CMTM3: variants seen among roughly 807,000 people sequenced by gnomAD.
CMTM3 encodes CKLF-like MARVEL transmembrane domain-containing protein 3.
Under a neutral mutation model 18.2 loss-of-function variants are expected in CMTM3, and 7 were observed. The observed-to-expected ratio is 0.38, with a 90% CI of 0.22 to 0.72. CMTM3 has a LOEUF of 0.72. CMTM3 is among the 30% of genes least tolerant of loss of function. CMTM3 has a pLI of 0.46. For synonymous variants in CMTM3, 109 were observed against 111.2 expected, an observed-to-expected ratio of 0.98 and a Z score of 0.12; for missense variants, 227 against 249.2, an observed-to-expected ratio of 0.91 and a Z score of 0.60.
rs1307445254 is a variant in CMTM3, at chr16:66,610,433, A to C, written c.520+430A>C. Among the ~76,000 whole-genome samples, 5 of 152,302 alleles carry C rather than the reference A, an allele frequency of 3.3e-5. No individual in the cohort carries two copies. The East Asian group carries it at 5.8e-4, about 18-fold the overall frequency. On this transcript the variant is annotated intron_variant, in intron 4 of 4. Coordinates refer to ENST00000567572, the MANE Select transcript of CMTM3 (RefSeq NM_181553.4). This position sits in a 1 kb window ranked among gnomAD's most constrained non-coding sequence, Gnocchi z 4.6. ...ACCCAGAAACCGTGGCAAGGGACAGATGATGTGTCCCGTACCAGGGGAGGG... is the reference window on the plus strand; with the variant it reads ...ACCCAGAAACCGTGGCAAGGGACAGCTGATGTGTCCCGTACCAGGGGAGGG...
Position 66,610,657 on chromosome 16 carries a change from G to A in CMTM3, c.520+654G>A, listed in dbSNP as rs2015342345. On this transcript the variant is annotated intron_variant, in intron 4 of 4. Coordinates refer to ENST00000567572, the MANE Select transcript of CMTM3 (RefSeq NM_181553.4). This position sits in a 1 kb window ranked among gnomAD's most constrained non-coding sequence, Gnocchi z 4.6. ...GGTGTAGGGAAGAAGGCTGAGAGCA[G>A]AGACAGCAGGCGCTTCTGCCTGGGG... is the stretch of plus-strand genomic sequence containing the variant. 6.6e-6 allele frequency among the ~76,000 whole-genome samples: 1 copy of A among 152,164 alleles called. No homozygotes were observed. The highest frequency in any genetic ancestry group is 2.1e-4 in the South Asian group (1 of 4,830).
chr16:66,613,116 G>A lies in CMTM3; in HGVS notation c.*479G>A. 1 of 703,042 alleles carries A rather than the reference G, an allele frequency of 1.4e-6. No individual in the cohort carries two copies. Among genetic ancestry groups the A allele is most frequent in the East Asian group, 2.7e-5 (1 of 37,288 alleles). 43.6% of individuals were successfully genotyped at this position (703,042 alleles called of 1,614,324 possible). On this transcript the variant is annotated 3_prime_UTR_variant, in exon 5 of 5. Transcript: ENST00000567572. ...TCCTGCCCACACCAGCCACTTTGGTGACAATGACCCTTCCAAGAATCTTTG... is the reference window on the plus strand; with the variant it reads ...TCCTGCCCACACCAGCCACTTTGGTAACAATGACCCTTCCAAGAATCTTTG...
intron 1 of CMTM3, among the ~76,000 whole-genome samples, chr16:66,607,560 G>A (rs2015203112): frequency 7.2e-6 from 1 of 137,954 alleles, no homozygotes; most frequent in Non-Finnish European, 1.6e-5. Flanking sequence ...AACACTTCAG[G>A]ACGCATATCA....
chr16:66,606,343 A>G (rs1029212502), intron 1 of CMTM3, among the ~76,000 whole-genome samples: 2 of 152,188 alleles, frequency 1.3e-5, no homozygotes, highest in Non-Finnish European at 2.9e-5. Context: ...GGGTGCAGGC[A>G]TAGGAGACAG....
chr16:66,605,063 C>G lies in CMTM3; in HGVS notation c.147+111C>G, dbSNP rs1000200038. The G allele has an allele frequency of 3.1e-6, 3 of 977,266 alleles. No homozygotes were observed. The highest frequency in any genetic ancestry group is 4.1e-6 in the Non-Finnish European group (3 of 740,590). 60.5% of individuals were successfully genotyped at this position (977,266 alleles called of 1,614,324 possible). On this transcript the variant is annotated intron_variant, in intron 1 of 4. Transcript: ENST00000567572. The surrounding 1 kb of genome is among the most constrained non-coding windows in gnomAD (Gnocchi z 4.6). Reference sequence around the variant, plus strand: ...GGGCGGCCGCCGTGCTCCGATACCCCCTCTCCGCGCCGCCTCGGCCGACTT... The same window carrying G: ...GGGCGGCCGCCGTGCTCCGATACCCGCTCTCCGCGCCGCCTCGGCCGACTT...
In CMTM3 at chr16:66,609,491, C is replaced by G. The variant is rs1204163852; in HGVS notation, c.360C>G (p.Ala120=). ...ALIYFAISIT[A]IAKYSDGASK... is the part of the protein sequence containing the mutation. ...TCTACTTTGCTATCTCCATCACGGCCATCGCCAAGTACTCGGATGGGGCTT... is the reference window on the plus strand; with the variant it reads ...TCTACTTTGCTATCTCCATCACGGCGATCGCCAAGTACTCGGATGGGGCTT... The change falls in exon 3 of 5, where the codon GCC becomes GCG. Residue 120 remains alanine, a synonymous_variant. Transcript: ENST00000567572. The surrounding 1 kb of genome is among the most constrained non-coding windows in gnomAD (Gnocchi z 4.4). The G allele has an allele frequency of 6.2e-7, 1 of 1,611,124 alleles. No individual in the cohort carries two copies. Among genetic ancestry groups the G allele is most frequent in the Admixed American group, 1.7e-5 (1 of 59,652 alleles).
chr16:66,604,758 G>C lies in CMTM3; in HGVS notation c.-48G>C. ...CGGGTTTCCGCTTCCCTCCGGGCGC[G>C]AGAAGAGGGGAGCCAGGCCGAGCCC... On this transcript the variant is annotated 5_prime_UTR_variant, in exon 1 of 5. Transcript: ENST00000567572. 2 of 1,213,586 alleles carry C rather than the reference G, an allele frequency of 1.6e-6. No individual in the cohort carries two copies. The highest frequency in any genetic ancestry group is 2.0e-6 in the Non-Finnish European group (2 of 975,834). 75.2% of individuals were successfully genotyped at this position (1,213,586 alleles called of 1,614,324 possible). A position where few individuals can be genotyped will look rare whatever the true frequency, so the allele number is the denominator to read the frequency against.
rs2015418124 is a variant in CMTM3 at position 66,612,519 on chromosome 16, C to T, written c.521-90C>T. 7.2e-7 allele frequency: 1 copy of T among 1,394,324 alleles called. No homozygotes were observed. Among genetic ancestry groups the T allele is most frequent in the Non-Finnish European group, 1.0e-6 (1 of 997,740 alleles). 86.4% of individuals were successfully genotyped at this position (1,394,324 alleles called of 1,614,324 possible). A position where few individuals can be genotyped will look rare whatever the true frequency, so the allele number is the denominator to read the frequency against. On this transcript the variant is annotated intron_variant, in intron 4 of 4. Coordinates refer to ENST00000567572, the MANE Select transcript of CMTM3 (RefSeq NM_181553.4). The surrounding 1 kb of genome is among the most constrained non-coding windows in gnomAD (Gnocchi z 6.0). ...CAGGAGGCCTGCACCCAGGCTCCTG[C>T]CAGCAACCCAGCTGTGCTTCCCCAG...
intron 1 of CMTM3, among the ~76,000 whole-genome samples, chr16:66,606,443 A>G (rs768812529): frequency 1.1e-4 from 16 of 152,104 alleles, no homozygotes; most frequent in Non-Finnish European, 2.4e-4. Flanking sequence ...GCCTTAGTCT[A>G]TCTTTCCAAA....
Position 66,605,004 on chromosome 16 carries a change from CGG to C in CMTM3, c.147+53_147+54del. 7.2e-7 allele frequency: 1 copy of C among 1,381,648 alleles called. No individual in the cohort carries two copies. The highest frequency in any genetic ancestry group is 9.3e-7 in the Non-Finnish European group (1 of 1,071,476). The allele number at this position is 1,381,648 out of a possible 1,614,324, so 85.6% of individuals were successfully genotyped here. On this transcript the variant is annotated intron_variant, in intron 1 of 4. Coordinates refer to ENST00000567572, the MANE Select transcript of CMTM3 (RefSeq NM_181553.4). This position sits in a 1 kb window ranked among gnomAD's most constrained non-coding sequence, Gnocchi z 4.6. Reference sequence around the variant, plus strand: ...CCCGCTAGGACTGCGCGGCTCCTTTCGGAGGAGGACGTCGGGGCGCGGGTGGG... The same window carrying C: ...CCCGCTAGGACTGCGCGGCTCCTTTCAGGAGGACGTCGGGGCGCGGGTGGG...
Position 66,610,460 on chromosome 16 carries a change from C to T in CMTM3, c.520+457C>T, listed in dbSNP as rs558129424. On this transcript the variant is annotated intron_variant, in intron 4 of 4. Transcript: ENST00000567572. The surrounding 1 kb of genome is among the most constrained non-coding windows in gnomAD (Gnocchi z 4.6). ...GATGTGTCCCGTACCAGGGGAGGGG[C>T]CAGATGGGGCAGCAATGACGACAGT... Among the ~76,000 whole-genome samples, 2 of 152,222 alleles carry T rather than the reference C, an allele frequency of 1.3e-5. No homozygotes were observed. Among genetic ancestry groups the T allele is most frequent in the South Asian group, 4.1e-4 (2 of 4,822 alleles).
intron 4 of CMTM3, among the ~76,000 whole-genome samples, chr16:66,611,964 G>A (rs1043216816): frequency 6.6e-6 from 1 of 152,036 alleles, no homozygotes; most frequent in South Asian, 2.1e-4. Context: ...TGGGGGTGGG[G>A]GTAGAGCTGG....
At position 66,609,844 on chromosome 16, in the gene CMTM3, A is replaced by G; in HGVS notation, c.400-39A>G. 1.2e-6 allele frequency: 2 copies of G among 1,614,180 alleles called. No individual in the cohort carries two copies. The highest frequency in any genetic ancestry group is 1.7e-6 in the Non-Finnish European group (2 of 1,180,016). ...GGGGCAGCAGCCTCCCGGAGCAGGG[A>G]GTCAGCCCTGTGATGCATCCCATCC... On this transcript the variant is annotated intron_variant, in intron 3 of 4. Coordinates refer to ENST00000567572, the MANE Select transcript of CMTM3 (RefSeq NM_181553.4). The surrounding 1 kb of genome is among the most constrained non-coding windows in gnomAD (Gnocchi z 4.4).
At position 66,612,683 on chromosome 16, in the gene CMTM3, C is replaced by T. The variant is rs749532442; in HGVS notation, c.*46C>T. ...CAACCTGAGCCACACAGGCCTCCAC[C>T]CCTGCGCCTCACAGGGGTCGCTGGC... On this transcript the variant is annotated 3_prime_UTR_variant, in exon 5 of 5. Coordinates refer to ENST00000567572, the MANE Select transcript of CMTM3 (RefSeq NM_181553.4). This position sits in a 1 kb window ranked among gnomAD's most constrained non-coding sequence, Gnocchi z 6.0. 6 of 1,598,910 alleles carry T rather than the reference C, an allele frequency of 3.8e-6. No individual in the cohort carries two copies. Among genetic ancestry groups the T allele is most frequent in the South Asian group, 2.2e-5 (2 of 90,412 alleles).
Position 66,605,017 on chromosome 16 carries a change from C to A in CMTM3, c.147+65C>A. ...CGCGGCTCCTTTCGGAGGAGGACGT[C>A]GGGGCGCGGGTGGGGTCCGGGGGCG... On this transcript the variant is annotated intron_variant, in intron 1 of 4. Transcript: ENST00000567572. The surrounding 1 kb of genome is among the most constrained non-coding windows in gnomAD (Gnocchi z 4.6). 7.5e-7 allele frequency: 1 copy of A among 1,335,734 alleles called. No individual in the cohort carries two copies. The highest frequency in any genetic ancestry group is 9.6e-7 in the Non-Finnish European group (1 of 1,039,734). The allele number at this position is 1,335,734 out of a possible 1,614,324, so 82.7% of individuals were successfully genotyped here. A position where few individuals can be genotyped will look rare whatever the true frequency, so the allele number is the denominator to read the frequency against.
intron 1 of CMTM3, 26 bp downstream of exon 1, chr16:66,604,978 C>T (rs1195978319): frequency 6.8e-7 from 1 of 1,468,828 alleles, no homozygotes; most frequent in South Asian, 1.3e-5. Context: ...CCCTCGGCCG[C>T]CCCGCTAGGA....
chr16:66,612,665 A>C lies in CMTM3; in HGVS notation c.*28A>C. 3.1e-6 allele frequency: 5 copies of C among 1,612,388 alleles called. No homozygotes were observed. Among genetic ancestry groups the C allele is most frequent in the Non-Finnish European group, 4.2e-6 (5 of 1,178,804 alleles). ...GCCTGGCGGGTGCCTTGGCAACCTG[A>C]GCCACACAGGCCTCCACCCCTGCGC... On this transcript the variant is annotated 3_prime_UTR_variant, in exon 5 of 5. Transcript: ENST00000567572. This position sits in a 1 kb window ranked among gnomAD's most constrained non-coding sequence, Gnocchi z 6.0.
At chr16:66,606,467 C>T (rs1487628513) in intron 1 of CMTM3, among the ~76,000 whole-genome samples, 1 of 152,096 alleles carries the variant, frequency 6.6e-6, no homozygotes, top group Non-Finnish European at 1.5e-5. Flanking sequence ...GGCTCAGCTG[C>T]ACCCAAGGCC....
At position 66,605,198 on chromosome 16, in the gene CMTM3, G is replaced by T; in HGVS notation, c.147+246G>T. On this transcript the variant is annotated intron_variant, in intron 1 of 4. Coordinates refer to ENST00000567572, the MANE Select transcript of CMTM3 (RefSeq NM_181553.4). The surrounding 1 kb of genome is among the most constrained non-coding windows in gnomAD (Gnocchi z 4.6). ...TGTCCCCGCGAGTCCAGAGCTGGGG[G>T]CCGTGGGAAGTGGGTGGGGCCCGGG... 2.6e-6 allele frequency: 1 copy of T among 381,134 alleles called. No individual in the cohort carries two copies. Among genetic ancestry groups the T allele is most frequent in the Non-Finnish European group, 4.7e-6 (1 of 212,900 alleles). The allele number at this position is 381,134 out of a possible 1,614,324, so 23.6% of individuals were successfully genotyped here.
Sources: allele counts gnomAD v4.1 joint callset (sites outside exome capture counted in the v4.1 genomes callset), GRCh38; gene constraint gnomAD v4.1.1; non-coding constraint Gnocchi (gnomAD v3.1); transcripts MANE v1.5; gene names NCBI Gene and HGNC (gene_info 2026-07-23, HGNC 2026-07-21).